DHX34: variants seen among roughly 807,000 people sequenced by gnomAD.
DHX34 encodes the protein probable ATP-dependent RNA helicase DHX34.
Under a neutral mutation model 111.1 loss-of-function variants are expected in DHX34, and 96 were observed. The observed-to-expected ratio is 0.86, with a 90% CI of 0.73 to 1.02. The LOEUF is 1.02. Among genes scored for constraint, DHX34 ranks in the 50% least tolerant of loss-of-function variants. The pLI, the probability that DHX34 is intolerant of heterozygous loss-of-function variation, is 0.00. For synonymous variants in DHX34, 688 were observed against 670.4 expected (o/e 1.03, Z -0.41); for missense variants, 1,560 against 1,579.9 (o/e 0.99, Z 0.21).
At position 47,375,557 on chromosome 19, in the gene DHX34, G is replaced by A. The variant is rs61757591; in HGVS notation, c.2156G>A (p.Arg719Gln). ...CGGTTGCAGCAGCGCCGGGAGCGCC[G>A]GGCCCTGCACCAGCTGAAACGCCAG... ...YSRLQQRRERRALHQLKRQHE... is the reference protein window; with the variant it reads ...YSRLQQRRERQALHQLKRQHE... Residue 719 changes from arginine (R) to glutamine (Q), a missense_variant, in exon 10 of 17, where the codon CGG (arginine) becomes CAG (glutamine). Arg to Gln is a conservative substitution (Grantham distance 43). Transcript: ENST00000328771. 1.2e-4 allele frequency: 180 copies of A among 1,549,614 alleles called. No individual in the cohort carries two copies. Among genetic ancestry groups the A allele is most frequent in the Admixed American group, 6.8e-4 (35 of 51,604 alleles).
chr19:47,366,727 T>C (rs1484423717), intron 6 of DHX34: 1 of 531,658 alleles, frequency 1.9e-6, no homozygotes, highest in Non-Finnish European at 2.4e-6. Flanking sequence ...ATTACAGTCA[T>C]GCACCACCAC....
rs754109292 is a variant in DHX34 at position 47,375,951 on chromosome 19, C to T, written c.2335C>T (p.Leu779=). The stretch of plus-strand genomic sequence containing the variant: ...TGTGAAGTTCAAGCTTCGGCATGAC[C>T]TGGCGCAGCTGCAGGCCGCTGCCAG... ...QDVKFKLRHD[L]AQLQAAASSA... The change falls in exon 11 of 17, where the codon CTG becomes TTG. Residue 779 remains leucine, a synonymous_variant. Transcript: ENST00000328771. The T allele has an allele frequency of 1.2e-6, 2 of 1,603,650 alleles. No homozygotes were observed. The highest frequency in any genetic ancestry group is 1.3e-5 in the African/African-American group (1 of 74,332).
In DHX34 at chr19:47,372,758, C is replaced by G; in HGVS notation, c.1797C>G (p.Phe599Leu). Residue 599 changes from phenylalanine to leucine, a missense_variant, in exon 8 of 17, where the codon TTC (phenylalanine) becomes TTG (leucine). Transcript: ENST00000328771. ...AGATGCTGATCCTGGGCTCCATGTTCAGCCTGGTGGAGCCTGTGCTCACCA... is the reference window on the plus strand; with the variant it reads ...AGATGCTGATCCTGGGCTCCATGTTGAGCCTGGTGGAGCCTGTGCTCACCA... ...IGKMLILGSM[F>L]SLVEPVLTIA... The G allele has an allele frequency of 6.2e-7, 1 of 1,611,308 alleles. No homozygotes were observed. The highest frequency in any genetic ancestry group is 2.2e-5 in the East Asian group (1 of 44,768).
In DHX34 at chr19:47,353,203, A is replaced by G; in HGVS notation, c.173A>G (p.Gln58Arg). 6.2e-7 allele frequency: 1 copy of G among 1,614,200 alleles called. No homozygotes were observed. The highest frequency in any genetic ancestry group is 8.5e-7 in the Non-Finnish European group (1 of 1,180,038). ...ATCCGTCAGGGTTCTGAGGAATGTC[A>G]GAAGTTTTGGACCTTCTTTGAACGC... ...DYIRQGSEEC[Q>R]KFWTFFERLQ... The change falls in exon 2 of 17, where the codon CAG (glutamine) becomes CGG (arginine). Residue 58 changes from glutamine to arginine, a missense_variant. By Grantham distance (43) the Gln-to-Arg change is conservative. Coordinates refer to ENST00000328771, the MANE Select transcript of DHX34 (RefSeq NM_014681.6). This position sits in a 1 kb window ranked among gnomAD's most constrained non-coding sequence, Gnocchi z 4.6.
chr19:47,364,279 T>TGGG lies in DHX34; in HGVS notation c.1593+1587_1593+1589dup, dbSNP rs1284934654. Among the ~76,000 whole-genome samples the TGGG allele has an allele frequency of 3.3e-5, 5 of 152,036 alleles. 1 individual carries two copies. Among genetic ancestry groups the TGGG allele is most frequent in the Non-Finnish European group, 5.9e-5 (4 of 67,992 alleles). ...GGCCACGCCCAACCGTGAAGGAGGC[T>TGGG]GGGAAGTGTAGTCCTTGTGCTCAGG... On this transcript the variant is annotated intron_variant, in intron 6 of 16. Transcript: ENST00000328771.
At chr19:47,381,777 C>G (rs75953208) in intron 16 of DHX34, 23,049 of 857,000 alleles carry the variant, frequency 0.027, 379 homozygotes, top group Middle Eastern at 0.043. Context: ...GTCTTTCTCT[C>G]TGTCTCTCTC....
At position 47,355,292 on chromosome 19, in the gene DHX34, C is replaced by T; in HGVS notation, c.959C>T (p.Ser320Phe). 1 of 1,614,140 alleles carries T rather than the reference C, an allele frequency of 6.2e-7. No homozygotes were observed. The highest frequency in any genetic ancestry group is 8.5e-7 in the Non-Finnish European group (1 of 1,180,026). The change falls in exon 3 of 17, where the codon TCC becomes TTC. Residue 320 changes from serine to phenylalanine, a missense_variant. Ser to Phe is a radical substitution (Grantham distance 155). Transcript: ENST00000328771. ...GCCACCATCAACATCTCGCTCTTCTCCAGCTATTTCAGCAATGCCCCTGTG... is the reference window on the plus strand; with the variant it reads ...GCCACCATCAACATCTCGCTCTTCTTCAGCTATTTCAGCAATGCCCCTGTG... ...MSATINISLF[S>F]SYFSNAPVVQ... is the part of the protein sequence containing the mutation.
At position 47,353,474 on chromosome 19, in the gene DHX34, A is replaced by G. The variant is rs200246972; in HGVS notation, c.444A>G (p.Ala148=). 27 of 1,614,120 alleles carry G rather than the reference A, an allele frequency of 1.7e-5. 1 individual carries two copies. The African/African-American group carries it at 3.3e-4, about 20-fold the overall frequency. ...ACCTGGACTTTGGCCAGAAGCAGGCATTTGGGCGTCTGGCCAAGCTGCAGC... is the reference window on the plus strand; with the variant it reads ...ACCTGGACTTTGGCCAGAAGCAGGCGTTTGGGCGTCTGGCCAAGCTGCAGC... The part of the protein sequence containing the change: ...LHYLDFGQKQ[A]FGRLAKLQRE... The change falls in exon 2 of 17, where the codon GCA becomes GCG. Residue 148 remains alanine, a synonymous_variant. Coordinates refer to ENST00000328771, the MANE Select transcript of DHX34 (RefSeq NM_014681.6). This position sits in a 1 kb window ranked among gnomAD's most constrained non-coding sequence, Gnocchi z 4.6.
At position 47,354,897 on chromosome 19, in the gene DHX34, G is replaced by A. The variant is rs927427187; in HGVS notation, c.706-142G>A. The A allele has an allele frequency of 8.4e-6, 12 of 1,433,160 alleles. No homozygotes were observed. In the East Asian group the frequency reaches 1.2e-4, roughly 14 times the overall value. 88.8% of individuals were successfully genotyped at this position (1,433,160 alleles called of 1,614,324 possible). On this transcript the variant is annotated intron_variant, in intron 2 of 16. Transcript: ENST00000328771. ...TCGAACTCCCTACCTCAGGTGATCCGCCCGCCTCTGCCTCCCAAAGTGCTG... is the reference window on the plus strand; with the variant it reads ...TCGAACTCCCTACCTCAGGTGATCCACCCGCCTCTGCCTCCCAAAGTGCTG...
At position 47,359,954 on chromosome 19, in the gene DHX34, TC is replaced by T; in HGVS notation, c.1273-11del. 1 of 1,613,782 alleles carries T rather than the reference TC, an allele frequency of 6.2e-7. No individual in the cohort carries two copies. The highest frequency in any genetic ancestry group is 8.5e-7 in the Non-Finnish European group (1 of 1,179,824). On this transcript the variant is annotated splice_polypyrimidine_tract_variant and intron_variant, in intron 4 of 16. Coordinates refer to ENST00000328771, the MANE Select transcript of DHX34 (RefSeq NM_014681.6). ...TGAGTTAGTTCCTGACACCACCCCC[TC>T]CCTTCCTCCCAGGTATTTGATGTGG...
chr19:47,378,681 A>T (rs1227332182), intron 13 of DHX34, among the ~76,000 whole-genome samples: 3 of 152,104 alleles, frequency 2.0e-5, no homozygotes, highest in Non-Finnish European at 4.4e-5. Flanking sequence ...AAAAAATTTT[A>T]AAAAGTTAGC....
intron 4 of DHX34, among the ~76,000 whole-genome samples, chr19:47,358,681 C>G (rs988928557): frequency 6.6e-6 from 1 of 152,030 alleles, no homozygotes; most frequent in Non-Finnish European, 1.5e-5. Flanking sequence ...GTGGCATGAT[C>G]GTGGCTTACT....
At chr19:47,356,638 AAAAG>A (rs1171974067) in intron 3 of DHX34, among the ~76,000 whole-genome samples, 10 of 151,500 alleles carry the variant, frequency 6.6e-5, no homozygotes, top group African/African-American at 9.7e-5. Context: ...AAAAAAAAAA[AAAAG>A]AAAGAAAAGA....
chr19:47,351,231 T>G (rs1196569307), intron 1 of DHX34, among the ~76,000 whole-genome samples: 5 of 136,764 alleles, frequency 3.7e-5, no homozygotes, highest in Admixed American at 8.4e-5. Context: ...CAGGCTGGAG[T>G]GCAGTGGCTC....
chr19:47,382,172 A>AG lies in DHX34; in HGVS notation c.*63dup, dbSNP rs537950155. Reference sequence around the variant, plus strand: ...CTGACCTGCCCTCCAGCCCAGGACTAGGGGCAGGACTCTTGCCTGAACCCC... The same window carrying AG: ...CTGACCTGCCCTCCAGCCCAGGACTAGGGGGCAGGACTCTTGCCTGAACCCC... On this transcript the variant is annotated 3_prime_UTR_variant, in exon 17 of 17. Transcript: ENST00000328771. 1.3e-4 allele frequency: 215 copies of AG among 1,601,208 alleles called. 2 individuals are homozygous for AG. In the African/African-American group the frequency reaches 2.5e-3, roughly 19 times the overall value.
At chr19:47,374,877 A>G (rs916685419) in intron 9 of DHX34, among the ~76,000 whole-genome samples, 1 of 152,178 alleles carries the variant, frequency 6.6e-6, no homozygotes, top group Admixed American at 6.5e-5. Context: ...TGTGTCCTCC[A>G]TCGGTCAGGG....
intron 7 of DHX34, among the ~76,000 whole-genome samples, chr19:47,368,661 CAT>C (rs1478898666): frequency 3.7e-4 from 54 of 146,326 alleles, no homozygotes; most frequent in South Asian, 3.0e-3. Context: ...CACACACACA[CAT>C]ACACACACAT....
chr19:47,350,451 C>A (rs910051467), intron 1 of DHX34, among the ~76,000 whole-genome samples: 3 of 143,870 alleles, frequency 2.1e-5, no homozygotes, highest in Non-Finnish European at 4.5e-5. Flanking sequence ...GATGGAGTTT[C>A]GCTCTTGTTG....
chr19:47,353,180 C>T lies in DHX34; in HGVS notation c.150C>T (p.Ile50=), dbSNP rs1356658822. The change falls in exon 2 of 17, where the codon ATC becomes ATT. Residue 50 remains isoleucine (I), a synonymous_variant. Coordinates refer to ENST00000328771, the MANE Select transcript of DHX34 (RefSeq NM_014681.6). This position sits in a 1 kb window ranked among gnomAD's most constrained non-coding sequence, Gnocchi z 4.6. ...CCTTCTTCCGTGAAGAGGATTACAT[C>T]CGTCAGGGTTCTGAGGAATGTCAGA... ...EDAFFREEDY[I]RQGSEECQKF... 5.0e-6 allele frequency: 8 copies of T among 1,614,054 alleles called. No homozygotes were observed. The highest frequency in any genetic ancestry group is 2.7e-5 in the African/African-American group (2 of 74,918).
Sources: gnomAD v4.1 joint callset for allele counts (sites outside exome capture counted in the v4.1 genomes callset) on GRCh38, gnomAD v4.1.1 for gene constraint, Gnocchi (gnomAD v3.1) non-coding constraint, MANE v1.5 for transcripts, NCBI Gene and HGNC (gene_info 2026-07-23, HGNC 2026-07-21) for gene names.